DYNC1H1: variants seen among roughly 807,000 people sequenced by gnomAD.
DYNC1H1 encodes the protein dynein cytoplasmic 1 heavy chain 1, also known as cytoplasmic dynein 1 heavy chain 1.
Under a neutral mutation model 527.1 loss-of-function variants are expected in DYNC1H1, and 51 were observed. That is an observed-to-expected ratio of 0.10 (90% CI 0.08 to 0.12). The LOEUF (loss-of-function observed/expected upper bound fraction) is 0.12. DYNC1H1 is among the 10% of genes least tolerant of loss of function. DYNC1H1 has a pLI of 1.00. For missense variants in DYNC1H1, 2,771 were observed against 5,971.8 expected, an observed-to-expected ratio of 0.46 and a Z score of 17.66; for synonymous variants, 2,189 against 2,278.8, an observed-to-expected ratio of 0.96 and a Z score of 1.12.
At chr14:101,987,762 T>C in intron 9 of DYNC1H1, 130 bp downstream of exon 9, 1 of 1,110,188 alleles carries the variant, frequency 9.0e-7, no homozygotes, top group Admixed American at 2.0e-5. Context: ...CCCTCCAAAA[T>C]CTCATTTAAC....
At position 101,964,628 on chromosome 14, in the gene DYNC1H1, C is replaced by T. The variant is rs2047640652; in HGVS notation, c.-64C>T. The T allele has an allele frequency of 1.3e-6, 2 of 1,538,548 alleles. No individual in the cohort carries two copies. Among genetic ancestry groups the T allele is most frequent in the Non-Finnish European group, 1.7e-6 (2 of 1,148,488 alleles). Reference sequence around the variant, plus strand: ...TTCCGGCGGCCGTTTCTGTCTCTTGCTGGCTGTCTCGCTGAGTCGCGGCCG... The same window carrying T: ...TTCCGGCGGCCGTTTCTGTCTCTTGTTGGCTGTCTCGCTGAGTCGCGGCCG... On this transcript the variant is annotated 5_prime_UTR_variant, in exon 1 of 78. Coordinates refer to ENST00000360184, the MANE Select transcript of DYNC1H1 (RefSeq NM_001376.5). The surrounding 1 kb of genome is among the most constrained non-coding windows in gnomAD (Gnocchi z 5.5).
At chr14:102,014,446 A>G (rs1371871688) in intron 34 of DYNC1H1, among the ~76,000 whole-genome samples, 1 of 150,916 alleles carries the variant, frequency 6.6e-6, no homozygotes, top group Non-Finnish European at 1.5e-5. Context: ...AGACAGGAGA[A>G]TTGCTTGAAC....
Position 102,044,155 on chromosome 14 carries a change from G to A in DYNC1H1, c.12684+110G>A, listed in dbSNP as rs368041693. 30 of 1,582,314 alleles carry A rather than the reference G, an allele frequency of 1.9e-5. No homozygotes were observed. Among genetic ancestry groups the A allele is most frequent in the African/African-American group, 1.3e-4 (10 of 74,290 alleles). ...GCGTGGAAGAGCGAGCTGACCCCTCGTGACCGCCAAAGCCTAGCTGGCCAT... is the reference window on the plus strand; with the variant it reads ...GCGTGGAAGAGCGAGCTGACCCCTCATGACCGCCAAAGCCTAGCTGGCCAT... On this transcript the variant is annotated intron_variant, in intron 70 of 77. Coordinates refer to ENST00000360184, the MANE Select transcript of DYNC1H1 (RefSeq NM_001376.5). The surrounding 1 kb of genome is among the most constrained non-coding windows in gnomAD (Gnocchi z 7.1).
intron 2 of DYNC1H1, among the ~76,000 whole-genome samples, chr14:101,976,196 C>T (rs931500564): frequency 5.3e-5 from 8 of 150,852 alleles, no homozygotes; most frequent in African/African-American, 1.5e-4. Context: ...CGTGAGCCAC[C>T]GTGCCCAGCC....
At chr14:102,022,707 C>T (rs183123971) in intron 42 of DYNC1H1, 44 bp from the exon 43 acceptor site, 13 of 1,613,478 alleles carry the variant, frequency 8.1e-6, no homozygotes, top group East Asian at 2.2e-5. Flanking sequence ...GCTTCTTCAC[C>T]GTGCCCTCTA....
At chr14:102,048,490 C>G in intron 73 of DYNC1H1, 26 bp from the exon 74 acceptor site, 1 of 1,614,078 alleles carries the variant, frequency 6.2e-7, no homozygotes, top group Non-Finnish European at 8.5e-7. Flanking sequence ...TTCCTAACTT[C>G]TCTTCACCCT....
intron 11 of DYNC1H1, among the ~76,000 whole-genome samples, chr14:101,992,748 T>C (rs1478126602): frequency 6.6e-6 from 1 of 152,160 alleles, no homozygotes; most frequent in Non-Finnish European, 1.5e-5. Context: ...TTCTCTGTCC[T>C]TGTCTCACCT....
rs920796743 is a variant in DYNC1H1 at position 102,040,224 on chromosome 14, C to T, written c.11691-12C>T. 2 of 1,614,082 alleles carry T rather than the reference C, an allele frequency of 1.2e-6. No individual in the cohort carries two copies. Among genetic ancestry groups the T allele is most frequent in the South Asian group, 1.1e-5 (1 of 91,062 alleles). On this transcript the variant is annotated splice_polypyrimidine_tract_variant and intron_variant, in intron 62 of 77. Transcript: ENST00000360184. ...GTGAGAGACCCTAGCTAACCTGTTGCACCCTTCGCAGGGAGCCCACCTACG... is the reference window on the plus strand; with the variant it reads ...GTGAGAGACCCTAGCTAACCTGTTGTACCCTTCGCAGGGAGCCCACCTACG...
At chr14:102,034,925 CAA>C (rs33940099) in intron 56 of DYNC1H1, 5,325 of 175,228 alleles carry the variant, frequency 0.03, 75 homozygotes, top group Middle Eastern at 0.061. Context: ...GAATCCATCT[CAA>C]AAAAAAAAAA....
chr14:102,022,892 G>C lies in DYNC1H1; in HGVS notation c.8637+12G>C, dbSNP rs17512551. On this transcript the variant is annotated intron_variant, in intron 43 of 77. Coordinates refer to ENST00000360184, the MANE Select transcript of DYNC1H1 (RefSeq NM_001376.5). The stretch of plus-strand genomic sequence containing the variant: ...ACTGGCTGTCAAAGGTAGCAAACTC[G>C]CATCATTTCAGACATACTTCTTTTT... 2 of 1,614,112 alleles carry C rather than the reference G, an allele frequency of 1.2e-6. No homozygotes were observed. Among genetic ancestry groups the C allele is most frequent in the Admixed American group, 1.7e-5 (1 of 60,018 alleles).
At chr14:101,995,337 C>T (rs996908240) in intron 15 of DYNC1H1, 37 bp downstream of exon 15, 15 of 1,612,434 alleles carry the variant, frequency 9.3e-6, no homozygotes, top group South Asian at 5.5e-5. Flanking sequence ...TTTGGCTGGG[C>T]GTGGTGGCTC....
At position 102,029,268 on chromosome 14, in the gene DYNC1H1, T is replaced by A. The variant is rs1567017667; in HGVS notation, c.9469-271T>A. ...CTAACCTTTCTATAGTAACTGACAT[T>A]TGTGATGCCTTTTCACATAAGTACA... On this transcript the variant is annotated intron_variant, in intron 48 of 77. Transcript: ENST00000360184. This position sits in a 1 kb window ranked among gnomAD's most constrained non-coding sequence, Gnocchi z 5.3. The A allele has an allele frequency of 8.0e-6, 4 of 498,228 alleles. No homozygotes were observed. The South Asian group carries it at 8.5e-5, about 11-fold the overall frequency. The allele number at this position is 498,228 out of a possible 1,614,324, so 30.9% of individuals were successfully genotyped here.
intron 57 of DYNC1H1, chr14:102,037,096 TA>T (rs879632893): frequency 0.037 from 5,831 of 157,246 alleles, no homozygotes; most frequent in South Asian, 0.1. Context: ...GACTGTATCT[TA>T]AAAAAAAAAA....
chr14:101,991,899 T>C (rs573048896), intron 11 of DYNC1H1, among the ~76,000 whole-genome samples: 3 of 152,278 alleles, frequency 2.0e-5, no homozygotes, highest in African/African-American at 7.2e-5. Flanking sequence ...CTCCTGTCCA[T>C]GAGCATCTTT....
Position 102,039,577 on chromosome 14 carries a change from G to A in DYNC1H1, c.11595+31G>A, listed in dbSNP as rs17541512. On this transcript the variant is annotated intron_variant, in intron 61 of 77. Transcript: ENST00000360184. This position sits in a 1 kb window ranked among gnomAD's most constrained non-coding sequence, Gnocchi z 7.0. ...GTGAGGTCCTCAGCCGCTCCCTGGC[G>A]GGGGGGAAGCAGGGTGCTGCTTCTC... is the stretch of plus-strand genomic sequence containing the variant. 80 of 1,614,010 alleles carry A rather than the reference G, an allele frequency of 5.0e-5. No individual in the cohort carries two copies. Among genetic ancestry groups the A allele is most frequent in the South Asian group, 1.1e-4 (10 of 91,046 alleles).
In DYNC1H1 at chr14:101,985,866, G is replaced by A. The variant is rs187807797; in HGVS notation, c.1641G>A (p.Glu547=). Residue 547 remains glutamate (E), a synonymous_variant, in exon 8 of 78, where the codon GAG becomes GAA. Coordinates refer to ENST00000360184, the MANE Select transcript of DYNC1H1 (RefSeq NM_001376.5). The surrounding 1 kb of genome is among the most constrained non-coding windows in gnomAD (Gnocchi z 5.9). ...CCAAAGAGGGCACGGAAGCCTGGGA[G>A]GCTGCTATGAAGAGGTACGATGAGA... The part of the protein sequence containing the change: ...DVSKEGTEAW[E]AAMKRYDERI... The A allele has an allele frequency of 1.2e-6, 2 of 1,614,214 alleles. No homozygotes were observed. The highest frequency in any genetic ancestry group is 1.3e-5 in the African/African-American group (1 of 75,054).
In DYNC1H1 at chr14:101,995,295, G is replaced by A; in HGVS notation, c.3559G>A (p.Val1187Ile). Residue 1187 changes from valine (V) to isoleucine (I), a missense_variant, in exon 15 of 78, where the codon GTT becomes ATT. Around this residue, in one of 32 missense-constraint regions of DYNC1H1, gnomAD observed 223 missense variants for 462.5 expected, o/e 0.48. Transcript: ENST00000360184. Reference protein sequence around the residue: ...KRKIKQFEKQVELYRNGQRLL... With the variant: ...KRKIKQFEKQIELYRNGQRLL... ...GAAGATCAAGCAGTTTGAGAAGCAA[G>A]TTGAGGTGAGCTCTGTGCATATTTA... 6.2e-7 allele frequency: 1 copy of A among 1,614,224 alleles called. No homozygotes were observed. The highest frequency in any genetic ancestry group is 8.5e-7 in the Non-Finnish European group (1 of 1,180,040).
chr14:102,047,782 C>T lies in DYNC1H1; in HGVS notation c.13007-35C>T, dbSNP rs201782362. ...CTGTGATTTCTTGCCCGTCCCCTCCCTCCTTCCTGCTGCGACTGTGGGACT... is the reference window on the plus strand; with the variant it reads ...CTGTGATTTCTTGCCCGTCCCCTCCTTCCTTCCTGCTGCGACTGTGGGACT... On this transcript the variant is annotated intron_variant, in intron 72 of 77. Coordinates refer to ENST00000360184, the MANE Select transcript of DYNC1H1 (RefSeq NM_001376.5). 2.5e-6 allele frequency: 4 copies of T among 1,611,654 alleles called. No homozygotes were observed. The East Asian group carries it at 8.9e-5, about 36-fold the overall frequency.
chr14:102,016,628 A>T lies in DYNC1H1; in HGVS notation c.7615-138A>T, dbSNP rs1316754220. On this transcript the variant is annotated intron_variant, in intron 37 of 77. Transcript: ENST00000360184. This position sits in a 1 kb window ranked among gnomAD's most constrained non-coding sequence, Gnocchi z 7.3. Reference sequence around the variant, plus strand: ...AGAAGGACTTTATCCTTTTAGTTCCATGTGTTAGCAAAGAGTGCAGATTAA... The same window carrying T: ...AGAAGGACTTTATCCTTTTAGTTCCTTGTGTTAGCAAAGAGTGCAGATTAA... 1.3e-6 allele frequency: 2 copies of T among 1,555,454 alleles called. No individual in the cohort carries two copies. The highest frequency in any genetic ancestry group is 1.8e-6 in the Non-Finnish European group (2 of 1,136,342).
Sources: allele counts gnomAD v4.1 joint callset (sites outside exome capture counted in the v4.1 genomes callset), GRCh38; gene constraint gnomAD v4.1.1; regional missense constraint gnomAD v4.1.1; non-coding constraint Gnocchi (gnomAD v3.1); transcripts MANE v1.5; gene names NCBI Gene and HGNC (gene_info 2026-07-23, HGNC 2026-07-21).